Variants in BMP2K observed in about 807,000 individuals in gnomAD.
BMP2K encodes the protein BMP2 inducible kinase.
In BMP2K, 74 loss-of-function variants were observed where a neutral mutation model predicts 116.0. The ratio of observed to expected loss-of-function variants is 0.64; its 90% CI spans 0.53 to 0.77. The LOEUF is 0.77. Ranked by LOEUF, BMP2K falls within the 30% of genes least tolerant of loss-of-function variation. BMP2K has a pLI of 0.00. For missense variants in BMP2K, 1,365 were observed against 1,403.6 expected, an observed-to-expected ratio of 0.97 and a Z score of 0.44; for synonymous variants, 486 against 502.5, an observed-to-expected ratio of 0.97 and a Z score of 0.44.
intron 10 of BMP2K, among the ~76,000 whole-genome samples, chr4:78,870,418 G>C (rs1358041354): frequency 2.0e-5 from 3 of 152,220 alleles, no homozygotes; most frequent in Non-Finnish European, 4.4e-5. Context: ...ATTTCACTAG[G>C]TGGAAAGTGG....
At chr4:78,842,049 G>T (rs1730783438) in intron 3 of BMP2K, among the ~76,000 whole-genome samples, 1 of 151,778 alleles carries the variant, frequency 6.6e-6, no homozygotes, top group South Asian at 2.1e-4. Context: ...CCTTATTTTT[G>T]TTCACCACTG....
In BMP2K at chr4:78,776,605, G is replaced by A; in HGVS notation, c.62G>A (p.Gly21Asp). Residue 21 changes from glycine (G) to aspartate (D), a missense_variant, in exon 1 of 16, where the codon GGC becomes GAC. Gly to Asp is a moderately conservative substitution (Grantham distance 94). Coordinates refer to ENST00000502613, the MANE Select transcript of BMP2K (RefSeq NM_198892.2). Reference sequence around the variant, plus strand: ...GGCAGCGGCGGCGGAGCGGCGGGTGGCGGGGCTGGCGGGGCCGGGGCCGGG... The same window carrying A: ...GGCAGCGGCGGCGGAGCGGCGGGTGACGGGGCTGGCGGGGCCGGGGCCGGG... Reference protein sequence around the residue: ...EGGSGGGAAGGGAGGAGAGAG... With the variant: ...EGGSGGGAAGDGAGGAGAGAG... The A allele has an allele frequency of 1.7e-6, 2 of 1,189,912 alleles. No homozygotes were observed. Among genetic ancestry groups the A allele is most frequent in the South Asian group, 8.3e-5 (2 of 23,998 alleles). 73.7% of individuals were successfully genotyped at this position (1,189,912 alleles called of 1,614,324 possible). A position where few individuals can be genotyped will look rare whatever the true frequency, so the allele number is the denominator to read the frequency against.
intron 15 of BMP2K, among the ~76,000 whole-genome samples, chr4:78,895,566 G>C (rs1733659246): frequency 6.6e-6 from 1 of 151,808 alleles, no homozygotes; most frequent in Admixed American, 6.6e-5. Flanking sequence ...AAAAAAAAGA[G>C]GTAATGAAAT....
intron 13 of BMP2K, among the ~76,000 whole-genome samples, chr4:78,874,905 A>G (rs1192886547): frequency 2.7e-5 from 4 of 150,720 alleles, no homozygotes; most frequent in Non-Finnish European, 5.9e-5. Context: ...ATTTCTGTGT[A>G]ACTATTAAAA....
Position 78,847,185 on chromosome 4 carries a change from C to T in BMP2K, c.669-3C>T. 1.3e-6 allele frequency: 2 copies of T among 1,489,682 alleles called. No homozygotes were observed. The highest frequency in any genetic ancestry group is 1.4e-5 in the South Asian group (1 of 69,304). 92.3% of individuals were successfully genotyped at this position (1,489,682 alleles called of 1,614,324 possible). ...CCACTCCATTTCACTCATTTACTGC[C>T]AGGTATACAACTCTGTCATACAGAG... On this transcript the variant is annotated splice_region_variant and splice_polypyrimidine_tract_variant and intron_variant, in intron 5 of 15. Coordinates refer to ENST00000502613, the MANE Select transcript of BMP2K (RefSeq NM_198892.2).
chr4:78,858,051 A>G (rs1365617650), intron 7 of BMP2K, among the ~76,000 whole-genome samples: 1 of 151,982 alleles, frequency 6.6e-6, no homozygotes, highest in East Asian at 1.9e-4. Context: ...TGCCACTTCA[A>G]GTTCTTTATA....
chr4:78,870,999 A>C lies in BMP2K; in HGVS notation c.1448A>C (p.Gln483Pro), dbSNP rs1560538301. 6.3e-7 allele frequency: 1 copy of C among 1,591,678 alleles called. No individual in the cohort carries two copies. The highest frequency in any genetic ancestry group is 1.1e-5 in the South Asian group (1 of 90,816). The change falls in exon 11 of 16, where the codon CAG (glutamine) becomes CCG (proline). Residue 483 changes from glutamine (Q) to proline (P), a missense_variant. Coordinates refer to ENST00000502613, the MANE Select transcript of BMP2K (RefSeq NM_198892.2). ...QQQQQQQQQQ[Q>P]QQQHHHHHHH... ...CAACAGCAACAGCAGCAGCAGCAGCAGCAGCAGCAGCACCACCACCACCAC... is the reference window on the plus strand; with the variant it reads ...CAACAGCAACAGCAGCAGCAGCAGCCGCAGCAGCAGCACCACCACCACCAC...
intron 1 of BMP2K, among the ~76,000 whole-genome samples, chr4:78,815,131 C>T (rs188573909): frequency 5.1e-4 from 77 of 152,260 alleles, no homozygotes; most frequent in African/African-American, 1.8e-3. Context: ...CTTTAGGCCT[C>T]ATATTGTTTC....
intron 1 of BMP2K, among the ~76,000 whole-genome samples, chr4:78,813,358 C>T (rs960970957): frequency 1.3e-5 from 2 of 152,182 alleles, no homozygotes; most frequent in African/African-American, 4.8e-5. Context: ...CTCTGTTCTT[C>T]ACACAGTGGT....
intron 2 of BMP2K, among the ~76,000 whole-genome samples, chr4:78,827,765 CAAAACA>C (rs1729947813): frequency 6.7e-6 from 1 of 149,596 alleles, no homozygotes; most frequent in Non-Finnish European, 1.5e-5. Context: ...ACTGTAAAAA[CAAAACA>C]AAACAAAACA....
chr4:78,891,313 A>C (rs1733424074), intron 15 of BMP2K, among the ~76,000 whole-genome samples: 1 of 151,838 alleles, frequency 6.6e-6, no homozygotes, highest in African/African-American at 2.4e-5. Flanking sequence ...TCCTTACCCC[A>C]CCATGGACAT....
Position 78,870,982 on chromosome 4 carries a change from A to ACAGCAGC in BMP2K, c.1432_1438dup (p.Gln480ProfsTer86). 6.3e-7 allele frequency: 1 copy of ACAGCAGC among 1,597,096 alleles called. No individual in the cohort carries two copies. The highest frequency in any genetic ancestry group is 1.1e-5 in the South Asian group (1 of 90,496). On this transcript the variant is annotated frameshift_variant, in exon 11 of 16. Transcript: ENST00000502613. LOFTEE classifies it high-confidence loss of function. ...AGCAACAGCAGCAGCAGCAACAGCAACAGCAGCAGCAGCAGCAGCAGCAGC... is the reference window on the plus strand; with the variant it reads ...AGCAACAGCAGCAGCAGCAACAGCAACAGCAGCCAGCAGCAGCAGCAGCAGCAGCAGC...
chr4:78,832,510 C>T (rs1730256042), intron 2 of BMP2K, among the ~76,000 whole-genome samples: 1 of 152,056 alleles, frequency 6.6e-6, no homozygotes, highest in Non-Finnish European at 1.5e-5. Flanking sequence ...GATGATTAGA[C>T]TTTGGCATTT....
In BMP2K at chr4:78,871,073, T is replaced by A; in HGVS notation, c.1509+13T>A. ...TTATATGCAGCAGGTAATTTTTTTG[T>A]TTCTTTAGATATGGAAGTAGTGTGA... On this transcript the variant is annotated intron_variant, in intron 11 of 15. Coordinates refer to ENST00000502613, the MANE Select transcript of BMP2K (RefSeq NM_198892.2). 1 of 1,600,014 alleles carries A rather than the reference T, an allele frequency of 6.2e-7. No homozygotes were observed. Among genetic ancestry groups the A allele is most frequent in the Non-Finnish European group, 8.5e-7 (1 of 1,178,820 alleles).
intron 7 of BMP2K, among the ~76,000 whole-genome samples, chr4:78,854,821 C>A (rs1313711184): frequency 2.0e-5 from 3 of 151,990 alleles, no homozygotes; most frequent in Non-Finnish European, 4.4e-5. Context: ...AATAAATTTT[C>A]ATGTACCTCA....
chr4:78,854,795 A>G (rs960640480), intron 7 of BMP2K, among the ~76,000 whole-genome samples: 1 of 152,180 alleles, frequency 6.6e-6, no homozygotes, highest in Admixed American at 6.5e-5. Flanking sequence ...CTCTACAAAT[A>G]CAGACAGAGC....
chr4:78,878,613 G>A, intron 13 of BMP2K, 121 bp from the exon 14 acceptor site: 2 of 830,192 alleles, frequency 2.4e-6, no homozygotes, highest in Non-Finnish European at 3.7e-6. Flanking sequence ...TGTCATCTCT[G>A]TCATAAGGAA....
chr4:78,871,048 T>C lies in BMP2K; in HGVS notation c.1497T>C (p.Ala499=), dbSNP rs1350793742. The C allele has an allele frequency of 6.2e-7, 1 of 1,604,354 alleles. No homozygotes were observed. The highest frequency in any genetic ancestry group is 1.1e-5 in the South Asian group (1 of 91,034). ...ACCACCACCACCTACTTCAAGATGC[T>C]TATATGCAGCAGGTAATTTTTTTGT... ...HHHHHHLLQD[A]YMQQYQHATQ... Residue 499 remains alanine, a synonymous_variant, in exon 11 of 16, where the codon GCT becomes GCC. Transcript: ENST00000502613.
At chr4:78,825,301 G>C (rs1729817638) in intron 1 of BMP2K, among the ~76,000 whole-genome samples, 1 of 152,212 alleles carries the variant, frequency 6.6e-6, no homozygotes, top group Non-Finnish European at 1.5e-5. Flanking sequence ...GAGGGAGGTG[G>C]TTCCAGAGTT....
Sources: gnomAD v4.1 joint callset for allele counts (sites outside exome capture counted in the v4.1 genomes callset) on GRCh38, gnomAD v4.1.1 for gene constraint, MANE v1.5 for transcripts, NCBI Gene and HGNC (gene_info 2026-07-23, HGNC 2026-07-21) for gene names.